NSMCE2: variants seen among roughly 807,000 people sequenced by gnomAD.
The protein encoded by NSMCE2 is E3 SUMO-protein ligase NSE2.
Under a neutral mutation model 23.8 loss-of-function variants are expected in NSMCE2, and 24 were observed. The ratio of observed to expected loss-of-function variants is 1.01; its 90% CI spans 0.73 to 1.42. NSMCE2 has a LOEUF of 1.42. NSMCE2 is among the 40% of genes most tolerant of loss of function. The pLI is 0.00. For missense variants in NSMCE2, 284 were observed against 296.5 expected (o/e 0.96, Z 0.31); for synonymous variants, 92 against 94.1 (o/e 0.98, Z 0.13).
At chr8:125,329,982 C>T (rs1829811106) in intron 5 of NSMCE2, among the ~76,000 whole-genome samples, 1 of 151,838 alleles carries the variant, frequency 6.6e-6, no homozygotes, top group Admixed American at 6.6e-5. Context: ...TCCGAAAGAA[C>T]CATCATTACC....
rs113196669 is a variant in NSMCE2, at chr8:125,146,760, T to A, written c.158-4411T>A. Reference sequence around the variant, plus strand: ...GGGGCCTGTTGTGAGGTGGGGAGAGTGGGGAAGGATAGCCTTAGGAGATAT... The same window carrying A: ...GGGGCCTGTTGTGAGGTGGGGAGAGAGGGGAAGGATAGCCTTAGGAGATAT... On this transcript the variant is annotated intron_variant, in intron 3 of 7. Coordinates refer to ENST00000287437, the MANE Select transcript of NSMCE2 (RefSeq NM_173685.4). Among the ~76,000 whole-genome samples, 105 of 150,968 alleles carry A rather than the reference T, an allele frequency of 7.0e-4. 1 individual carries two copies. Among genetic ancestry groups the A allele is most frequent in the African/African-American group, 2.4e-3 (97 of 40,980 alleles).
intron 5 of NSMCE2, among the ~76,000 whole-genome samples, chr8:125,302,227 G>C (rs1001998566): frequency 6.6e-6 from 1 of 151,634 alleles, no homozygotes; most frequent in Non-Finnish European, 1.5e-5. Context: ...AAAATGCTGG[G>C]ATTACAGGCA....
intron 1 of NSMCE2, among the ~76,000 whole-genome samples, chr8:125,094,776 G>A (rs1473125416): frequency 6.6e-6 from 1 of 152,194 alleles, no homozygotes; most frequent in East Asian, 1.9e-4. Context: ...GCTTGTAGAT[G>A]GCTGCCCTTT....
chr8:125,273,600 TAC>T (rs1827320107), intron 5 of NSMCE2, among the ~76,000 whole-genome samples: 1 of 152,352 alleles, frequency 6.6e-6, no homozygotes, highest in East Asian at 1.9e-4. Context: ...CTTTCCAACT[TAC>T]AGTTTATGGA....
chr8:125,248,319 G>T (rs1040722132), intron 5 of NSMCE2, among the ~76,000 whole-genome samples: 2 of 152,158 alleles, frequency 1.3e-5, no homozygotes, highest in African/African-American at 4.8e-5. Context: ...CTTCAAACTT[G>T]CAAGCATTCA....
intron 5 of NSMCE2, among the ~76,000 whole-genome samples, chr8:125,246,294 C>T (rs543762531): frequency 1.2e-4 from 18 of 151,718 alleles, no homozygotes; most frequent in Non-Finnish European, 2.6e-4. Flanking sequence ...AGCAATTCTC[C>T]TGCCTCAGCC....
At chr8:125,268,967 A>T (rs116988888) in intron 5 of NSMCE2, among the ~76,000 whole-genome samples, 3 of 152,226 alleles carry the variant, frequency 2.0e-5, no homozygotes, top group Non-Finnish European at 4.4e-5. Flanking sequence ...ATGACTTTTT[A>T]AAAAATATAT....
intron 4 of NSMCE2, among the ~76,000 whole-genome samples, chr8:125,181,833 A>G (rs574022165): frequency 1.3e-3 from 194 of 152,314 alleles, no homozygotes; most frequent in Non-Finnish European, 2.1e-3. Flanking sequence ...GGCAGTTATC[A>G]GAAGACAACA....
chr8:125,298,687 G>GTTTTTTTTT (rs35334691), intron 5 of NSMCE2, among the ~76,000 whole-genome samples: 2 of 85,950 alleles, frequency 2.3e-5, no homozygotes, highest in Admixed American at 1.3e-4. Context: ...TCATCTGTGG[G>GTTTTTTTTT]TTTTTTTTTG....
intron 5 of NSMCE2, among the ~76,000 whole-genome samples, chr8:125,236,552 A>C (rs1018706503): frequency 1.3e-5 from 2 of 152,138 alleles, no homozygotes; most frequent in Non-Finnish European, 2.9e-5. Context: ...TCATATACTT[A>C]GAAAAAGACC....
chr8:125,347,559 G>A (rs756658546), intron 5 of NSMCE2, among the ~76,000 whole-genome samples: 2 of 152,220 alleles, frequency 1.3e-5, no homozygotes, highest in Non-Finnish European at 2.9e-5. Flanking sequence ...CAGAGTAAGT[G>A]TTCAATAAAT....
intron 3 of NSMCE2, among the ~76,000 whole-genome samples, chr8:125,110,719 T>C (rs556249277): frequency 6.6e-6 from 1 of 151,756 alleles, no homozygotes; most frequent in South Asian, 2.1e-4. Flanking sequence ...TGCAGTCAAA[T>C]GACATTTAGC....
intron 5 of NSMCE2, among the ~76,000 whole-genome samples, chr8:125,286,478 A>AT (rs1827907569): frequency 6.6e-6 from 1 of 151,132 alleles, no homozygotes; most frequent in African/African-American, 2.4e-5. Context: ...ATGACGGCTA[A>AT]TTTTTTGTAT....
At chr8:125,299,379 C>T (rs567111798) in intron 5 of NSMCE2, among the ~76,000 whole-genome samples, 24 of 152,272 alleles carry the variant, frequency 1.6e-4, no homozygotes, top group Middle Eastern at 3.4e-3. Flanking sequence ...GGGGAGGCCT[C>T]AGGAAACTTA....
intron 5 of NSMCE2, among the ~76,000 whole-genome samples, chr8:125,234,474 C>G (rs559514057): frequency 1.3e-5 from 2 of 152,242 alleles, no homozygotes; most frequent in South Asian, 4.1e-4. Flanking sequence ...ATCTTTCTTG[C>G]TCTGTAATAC....
chr8:125,276,104 G>A (rs573045248), intron 5 of NSMCE2, among the ~76,000 whole-genome samples: 3 of 152,194 alleles, frequency 2.0e-5, no homozygotes, highest in Non-Finnish European at 4.4e-5. Flanking sequence ...TCTTCCAGAA[G>A]TGGCTTTTTA....
At chr8:125,359,215 C>G (rs1813417806) in intron 7 of NSMCE2, among the ~76,000 whole-genome samples, 1 of 146,556 alleles carries the variant, frequency 6.8e-6, no homozygotes, top group Non-Finnish European at 1.5e-5. Context: ...TGCAGTGAGC[C>G]GAGATCATGC....
intron 3 of NSMCE2, among the ~76,000 whole-genome samples, chr8:125,127,312 T>G (rs1819561719): frequency 6.6e-6 from 1 of 152,136 alleles, no homozygotes; most frequent in Non-Finnish European, 1.5e-5. Context: ...TGAGAATGTG[T>G]GCTGAGGTTG....
At chr8:125,362,136 G>A (rs1188388394) in intron 7 of NSMCE2, among the ~76,000 whole-genome samples, 1 of 152,236 alleles carries the variant, frequency 6.6e-6, no homozygotes. Flanking sequence ...CTCCTGCACA[G>A]CGATGATGCG....
Sources: allele counts gnomAD v4.1 joint callset (sites outside exome capture counted in the v4.1 genomes callset), GRCh38; gene constraint gnomAD v4.1.1; transcripts MANE v1.5; gene names NCBI Gene and HGNC (gene_info 2026-07-23, HGNC 2026-07-21).